Variants in TBC1D10B observed in about 807,000 individuals in gnomAD.
The protein encoded by TBC1D10B is TBC1 domain family member 10B.
Under a neutral mutation model 78.4 loss-of-function variants are expected in TBC1D10B, and 25 were observed. The observed-to-expected ratio is 0.32, with a 90% CI of 0.23 to 0.45. The LOEUF (loss-of-function observed/expected upper bound fraction) is 0.45. Among genes scored for constraint, TBC1D10B ranks in the 20% least tolerant of loss-of-function variants. The probability of loss-of-function intolerance (pLI) is 1.00; values close to 1 mark genes in which losing one functional copy is unlikely to be tolerated. For synonymous variants in TBC1D10B, 517 were observed against 478.0 expected (o/e 1.08, Z -1.06); for missense variants, 996 against 1,104.8 (o/e 0.90, Z 1.40).
At chr16:30,360,037 C>G in intron 4 of TBC1D10B, 196 bp from the exon 5 acceptor site, 1 of 578,784 alleles carries the variant, frequency 1.7e-6, no homozygotes, top group East Asian at 2.9e-5. Context: ...TGGCTACATA[C>G]TCCACATGCT....
Position 30,365,954 on chromosome 16 carries a change from A to G in TBC1D10B, c.957-360T>C, listed in dbSNP as rs2049632272. 3.8e-6 allele frequency: 1 copy of G among 264,202 alleles called. No individual in the cohort carries two copies. The highest frequency in any genetic ancestry group is 4.6e-5 in the Admixed American group (1 of 21,766). The allele number at this position is 264,202 out of a possible 1,614,324, so 16.4% of individuals were successfully genotyped here. A position where few individuals can be genotyped will look rare whatever the true frequency, so the allele number is the denominator to read the frequency against. ...AAATCACTTAATTTTGCTAAGCCCA[A>G]TTTCCTCATCTGTAAGGTGGAGAAA... On this transcript the variant is annotated intron_variant, in intron 1 of 8. Transcript: ENST00000409939. The surrounding 1 kb of genome is among the most constrained non-coding windows in gnomAD (Gnocchi z 5.0).
rs1280451840 is a variant in TBC1D10B, at chr16:30,358,114, GCT to G, written c.2255_2256del (p.Glu752AlafsTer41). 7 of 1,551,186 alleles carry G rather than the reference GCT, an allele frequency of 4.5e-6. No homozygotes were observed. The highest frequency in any genetic ancestry group is 6.1e-6 in the Non-Finnish European group (7 of 1,146,654). The part of the protein sequence containing the change: ...REKERQKQEK[E>X]REKQEKEREK... ...TCTCGCTCCTTTTCCTGCTTCTCTCGCTCTTTCTCCTGCTTCTGCCGCTCCTT... is the reference window on the plus strand; with the variant it reads ...TCTCGCTCCTTTTCCTGCTTCTCTCGCTTTCTCCTGCTTCTGCCGCTCCTT... On this transcript the variant is annotated frameshift_variant, in exon 9 of 9. Transcript: ENST00000409939. LOFTEE classifies it high-confidence loss of function.
At position 30,365,975 on chromosome 16, in the gene TBC1D10B, A is replaced by T. The variant is rs1454303864; in HGVS notation, c.957-381T>A. On this transcript the variant is annotated intron_variant, in intron 1 of 8. Transcript: ENST00000409939. This position sits in a 1 kb window ranked among gnomAD's most constrained non-coding sequence, Gnocchi z 5.0. ...CCCAATTTCCTCATCTGTAAGGTGG[A>T]GAAAGTAACAATATCTACCCGAAGG... The T allele has an allele frequency of 1.2e-5, 3 of 240,618 alleles. No homozygotes were observed. Among genetic ancestry groups the T allele is most frequent in the Non-Finnish European group, 1.7e-5 (2 of 118,518 alleles). 14.9% of individuals were successfully genotyped at this position (240,618 alleles called of 1,614,324 possible).
At chr16:30,362,679 C>G (rs977669971) in intron 4 of TBC1D10B, among the ~76,000 whole-genome samples, 1 of 152,204 alleles carries the variant, frequency 6.6e-6, no homozygotes, top group African/African-American at 2.4e-5. Context: ...GCCCTGAAAT[C>G]CAGGTTTGTG....
In TBC1D10B at chr16:30,358,337, G is replaced by C; in HGVS notation, c.2034C>G (p.Ser678=). The C allele has an allele frequency of 6.4e-7, 1 of 1,561,826 alleles. No homozygotes were observed. The highest frequency in any genetic ancestry group is 8.7e-7 in the Non-Finnish European group (1 of 1,152,926). Residue 678 remains serine (S), a synonymous_variant, in exon 9 of 9, where the codon TCC becomes TCG. Transcript: ENST00000409939. ...RGSRAAGGAP[S]PPPPVRRASA... is the part of the protein sequence containing the mutation. The stretch of plus-strand genomic sequence containing the variant: ...TGGCTCTGCGGACGGGGGGCGGCGG[G>C]GACGGGGCCCCTCCAGCTGCCCGGG...
chr16:30,358,273 C>T lies in TBC1D10B; in HGVS notation c.2098G>A (p.Gly700Arg), dbSNP rs745626599. ...PAPGPVVTAE[G>R]LHPSLPSPTG... ...GGTGAGGGAAGGGATGGATGCAGTC[C>T]CTCAGCAGTGACCACAGGCCCTGGG... Residue 700 changes from glycine to arginine, a missense_variant, in exon 9 of 9, where the codon GGA becomes AGA. By Grantham distance (125) the Gly-to-Arg change is moderately radical (BLOSUM62 -2). Coordinates refer to ENST00000409939, the MANE Select transcript of TBC1D10B (RefSeq NM_015527.4). The T allele has an allele frequency of 1.3e-6, 2 of 1,582,802 alleles. No individual in the cohort carries two copies. Among genetic ancestry groups the T allele is most frequent in the South Asian group, 1.2e-5 (1 of 86,306 alleles).
chr16:30,370,175 C>T lies in TBC1D10B; in HGVS notation c.9G>A (p.Thr3=), dbSNP rs1284675686. The T allele has an allele frequency of 1.7e-5, 20 of 1,173,578 alleles. No homozygotes were observed. The highest frequency in any genetic ancestry group is 2.0e-5 in the Non-Finnish European group (19 of 950,474). The allele number at this position is 1,173,578 out of a possible 1,614,324, so 72.7% of individuals were successfully genotyped here. The part of the protein sequence containing the change: ME[T]GTAPLVAPPR... ...GCGGGGCCACCAGGGGCGCCGTGCC[C>T]GTCTCCATGGCCGCGGGCCGCCCCT... The change falls in exon 1 of 9, where the codon ACG becomes ACA. Residue 3 remains threonine, a synonymous_variant. Transcript: ENST00000409939.
Position 30,365,532 on chromosome 16 carries a change from C to G in TBC1D10B, c.1019G>C (p.Ser340Thr). Residue 340 changes from serine (S) to threonine (T), a missense_variant, in exon 2 of 9, where the codon AGT becomes ACT. Coordinates refer to ENST00000409939, the MANE Select transcript of TBC1D10B (RefSeq NM_015527.4). The surrounding 1 kb of genome is among the most constrained non-coding windows in gnomAD (Gnocchi z 5.0). ...CCGTGACAGCCACTTATCCCAGTTACTGAACATGTCCAGCCATTTGAGCTC... is the reference window on the plus strand; with the variant it reads ...CCGTGACAGCCACTTATCCCAGTTAGTGAACATGTCCAGCCATTTGAGCTC... Reference protein sequence around the residue: ...QRELKWLDMFSNWDKWLSRRF... With the variant: ...QRELKWLDMFTNWDKWLSRRF... The G allele has an allele frequency of 6.2e-7, 1 of 1,614,050 alleles. No homozygotes were observed. The highest frequency in any genetic ancestry group is 1.7e-5 in the Admixed American group (1 of 60,028).
Position 30,365,369 on chromosome 16 carries a change from C to A in TBC1D10B, c.1056+126G>T, listed in dbSNP as rs374287506. 4.6e-6 allele frequency: 6 copies of A among 1,313,230 alleles called. No homozygotes were observed. Among genetic ancestry groups the A allele is most frequent in the Non-Finnish European group, 6.5e-6 (6 of 916,964 alleles). The allele number at this position is 1,313,230 out of a possible 1,614,324, so 81.3% of individuals were successfully genotyped here. ...ACTTCTATTTTTAAAGCCATTCCCC[C>A]GCCAGGGCCCATCTATCCCCAGTGT... On this transcript the variant is annotated intron_variant, in intron 2 of 8. Coordinates refer to ENST00000409939, the MANE Select transcript of TBC1D10B (RefSeq NM_015527.4). This position sits in a 1 kb window ranked among gnomAD's most constrained non-coding sequence, Gnocchi z 5.0.
Position 30,359,547 on chromosome 16 carries a change from A to G in TBC1D10B, c.1443T>C (p.Ser481=). Residue 481 remains serine, a synonymous_variant, in exon 6 of 9, where the codon AGT becomes AGC. Transcript: ENST00000409939. The part of the protein sequence containing the change: ...ICDKYLPGYY[S]AGLEAIQLDG... ...GCCTCCAGACACTCACCAGCCCTGC[A>G]CTGTAGTAACCTGGGAGGTACTTGT... The G allele has an allele frequency of 6.4e-7, 1 of 1,560,464 alleles. No individual in the cohort carries two copies. Among genetic ancestry groups the G allele is most frequent in the Non-Finnish European group, 8.7e-7 (1 of 1,152,334 alleles).
intron 4 of TBC1D10B, chr16:30,360,165 G>A (rs2049590330): frequency 3.6e-6 from 1 of 274,768 alleles, no homozygotes. Context: ...CCCTCCTCTA[G>A]CACTAAATGT....
Position 30,357,591 on chromosome 16 carries a change from G to T in TBC1D10B, c.*353C>A. Reference sequence around the variant, plus strand: ...AGCCAGCTCCACCTCATGGTAAGGGGAGCTATGGAGTGTAAGAATCTGAAA... The same window carrying T: ...AGCCAGCTCCACCTCATGGTAAGGGTAGCTATGGAGTGTAAGAATCTGAAA... On this transcript the variant is annotated 3_prime_UTR_variant, in exon 9 of 9. Coordinates refer to ENST00000409939, the MANE Select transcript of TBC1D10B (RefSeq NM_015527.4). 1 of 315,562 alleles carries T rather than the reference G, an allele frequency of 3.2e-6. No homozygotes were observed. The highest frequency in any genetic ancestry group is 5.9e-6 in the Non-Finnish European group (1 of 169,114). The allele number at this position is 315,562 out of a possible 1,614,324, so 19.5% of individuals were successfully genotyped here. A position where few individuals can be genotyped will look rare whatever the true frequency, so the allele number is the denominator to read the frequency against.
rs12930787 is a variant in TBC1D10B at position 30,369,982 on chromosome 16, C to G, written c.202G>C (p.Glu68Gln). 0.34 allele frequency: 420,414 copies of G among 1,251,518 alleles called. 72,787 individuals are homozygous for G. The highest frequency in any genetic ancestry group is 0.35 in the Non-Finnish European group (353,098 of 999,348). 77.5% of individuals were successfully genotyped at this position (1,251,518 alleles called of 1,614,324 possible). A position where few individuals can be genotyped will look rare whatever the true frequency, so the allele number is the denominator to read the frequency against. ...GGGGCCGGGGCCGGAGCAGAGGTCTCGGCCGACCCCGGGACCCAGGCGGGC... is the reference window on the plus strand; with the variant it reads ...GGGGCCGGGGCCGGAGCAGAGGTCTGGGCCGACCCCGGGACCCAGGCGGGC... ...ARPAWVPGSA[E>Q]TSAPAPAPAP... Residue 68 changes from glutamate to glutamine, a missense_variant, in exon 1 of 9, where the codon GAG (glutamate) becomes CAG (glutamine). By Grantham distance (29) the Glu-to-Gln change is conservative (BLOSUM62 2). Coordinates refer to ENST00000409939, the MANE Select transcript of TBC1D10B (RefSeq NM_015527.4). The surrounding 1 kb of genome is among the most constrained non-coding windows in gnomAD (Gnocchi z 4.3).
At chr16:30,367,195 AAAAAC>A (rs965690486) in intron 1 of TBC1D10B, 8 of 152,454 alleles carry the variant, frequency 5.2e-5, no homozygotes, top group South Asian at 2.1e-4. Context: ...ACTCCGTCTC[AAAAAC>A]AAAACAAAAC....
chr16:30,358,841 C>T, intron 7 of TBC1D10B, 24 bp from the exon 8 acceptor site: 2 of 1,587,236 alleles, frequency 1.3e-6, no homozygotes, highest in African/African-American at 1.3e-5. Flanking sequence ...GAGTAGAGAG[C>T]ATGGGGTGGT....
At chr16:30,359,937 TC>T in intron 4 of TBC1D10B, 96 bp from the exon 5 acceptor site, 1 of 1,134,962 alleles carries the variant, frequency 8.8e-7, no homozygotes, top group Non-Finnish European at 1.3e-6. Context: ...ATCACCAGGC[TC>T]CTCCATCCAC....
intron 1 of TBC1D10B, among the ~76,000 whole-genome samples, chr16:30,368,344 TC>T (rs1370578785): frequency 6.6e-6 from 1 of 152,086 alleles, no homozygotes; most frequent in Non-Finnish European, 1.5e-5. Context: ...AAACCCGAGG[TC>T]TTCTATTGAA....
At chr16:30,368,318 T>C (rs557721633) in intron 1 of TBC1D10B, among the ~76,000 whole-genome samples, 1 of 152,336 alleles carries the variant, frequency 6.6e-6, no homozygotes, top group Non-Finnish European at 1.5e-5. Context: ...GGAAACCCTC[T>C]GGAGATCTCT....
chr16:30,358,741 G>A lies in TBC1D10B; in HGVS notation c.1719C>T (p.Cys573=), dbSNP rs1309279265. The stretch of plus-strand genomic sequence containing the variant: ...GCTCCATGGTCTCATACATGCCTTG[G>A]CAGGAGCGCAGCTTCTCCACTGAGC... ...TLGSVEKLRS[C]QGMYETMEQL... The change falls in exon 8 of 9, where the codon TGC becomes TGT. Residue 573 remains cysteine (C), a synonymous_variant. Coordinates refer to ENST00000409939, the MANE Select transcript of TBC1D10B (RefSeq NM_015527.4). 6.2e-7 allele frequency: 1 copy of A among 1,609,430 alleles called. No homozygotes were observed. The highest frequency in any genetic ancestry group is 8.5e-7 in the Non-Finnish European group (1 of 1,177,936).
Sources: allele counts gnomAD v4.1 joint callset (sites outside exome capture counted in the v4.1 genomes callset), GRCh38; gene constraint gnomAD v4.1.1; non-coding constraint Gnocchi (gnomAD v3.1); transcripts MANE v1.5; gene names NCBI Gene and HGNC (gene_info 2026-07-23, HGNC 2026-07-21).